The following ADGRL3 variants were observed in gnomAD, a reference collection of about 807,000 sequenced individuals.
ADGRL3 encodes the protein adhesion G protein-coupled receptor L3.
Under a neutral mutation model 153.5 loss-of-function variants are expected in ADGRL3, and 62 were observed. The ratio of observed to expected loss-of-function variants is 0.40; its 90% CI spans 0.33 to 0.50. The LOEUF (loss-of-function observed/expected upper bound fraction) is 0.50. Among genes scored for constraint, ADGRL3 ranks in the 20% least tolerant of loss-of-function variants. ADGRL3 has a pLI of 0.47. For synonymous variants in ADGRL3, 710 were observed against 672.5 expected (o/e 1.06, Z -0.86); for missense variants, 1,641 against 1,859.4 (o/e 0.88, Z 2.16).
intron 8 of ADGRL3, among the ~76,000 whole-genome samples, chr4:61,771,597 T>G (rs530908302): frequency 1.3e-5 from 2 of 152,164 alleles, no homozygotes; most frequent in African/African-American, 4.8e-5. Flanking sequence ...ATTAGTTATT[T>G]TTTTAGAGAT....
intron 13 of ADGRL3, among the ~76,000 whole-genome samples, chr4:61,924,576 A>G (rs542364128): frequency 6.6e-6 from 1 of 152,294 alleles, no homozygotes; most frequent in South Asian, 2.1e-4. Flanking sequence ...ATTCTTCAGC[A>G]TCTCAGTTAA....
At chr4:61,508,169 C>A (rs888905594) in intron 3 of ADGRL3, among the ~76,000 whole-genome samples, 1 of 152,182 alleles carries the variant, frequency 6.6e-6, no homozygotes, top group African/African-American at 2.4e-5. Context: ...TAACAGAAAT[C>A]TCTACTTACT....
At chr4:61,645,775 C>T (rs181347573) in intron 5 of ADGRL3, among the ~76,000 whole-genome samples, 4,274 of 151,926 alleles carry the variant, frequency 0.028, 152 homozygotes, top group East Asian at 0.14. Context: ...TGGAGTTGCT[C>T]TTCTTGAGGA....
chr4:61,333,569 A>G (rs189898305), intron 1 of ADGRL3, among the ~76,000 whole-genome samples: 4 of 152,192 alleles, frequency 2.6e-5, no homozygotes, highest in Admixed American at 2.6e-4. Context: ...CCTTTATAAT[A>G]AAATTTCATT....
intron 2 of ADGRL3, among the ~76,000 whole-genome samples, chr4:61,405,931 T>C (rs185227660): frequency 6.6e-6 from 1 of 152,152 alleles, no homozygotes; most frequent in Non-Finnish European, 1.5e-5. Flanking sequence ...ATGTGACTTA[T>C]AGTTACATTA....
chr4:61,658,611 T>A (rs991108019), intron 5 of ADGRL3, among the ~76,000 whole-genome samples: 2 of 152,164 alleles, frequency 1.3e-5, no homozygotes, highest in African/African-American at 4.8e-5. Flanking sequence ...ATCTCTGTAT[T>A]TGAGCCTTGC....
chr4:61,489,207 TG>T (rs2098230726), intron 2 of ADGRL3, among the ~76,000 whole-genome samples: 1 of 151,986 alleles, frequency 6.6e-6, no homozygotes, highest in Non-Finnish European at 1.5e-5. Context: ...TTAAGTAATC[TG>T]CTTATGTCAT....
chr4:61,292,517 GTGTGTA>G (rs1287129796), intron 1 of ADGRL3, among the ~76,000 whole-genome samples: 7 of 152,148 alleles, frequency 4.6e-5, no homozygotes, highest in Admixed American at 4.6e-4. Context: ...AACATGCCAC[GTGTGTA>G]TGTGTAACTG....
intron 9 of ADGRL3, among the ~76,000 whole-genome samples, chr4:61,885,887 T>C (rs2098535914): frequency 1.3e-5 from 2 of 152,260 alleles, no homozygotes; most frequent in Admixed American, 1.3e-4. Context: ...ATGTAAAACA[T>C]TCAGGACAGT....
chr4:61,392,020 C>G (rs1281412273), intron 2 of ADGRL3, among the ~76,000 whole-genome samples: 3 of 122,780 alleles, frequency 2.4e-5, no homozygotes, highest in Admixed American at 1.9e-4. Flanking sequence ...CCACCACGAC[C>G]GGCTAATTTT....
rs149828039 is a variant in ADGRL3, at chr4:61,896,196, T to G, written c.1887+362T>G. ...AATTATAATTTTTCAAAGTCTACCT[T>G]TGGAATCTTAAGCCATCTGATAAAT... On this transcript the variant is annotated intron_variant, in intron 11 of 26. Coordinates refer to ENST00000683033, the MANE Select transcript of ADGRL3 (RefSeq NM_001387552.1). 6.6e-5 allele frequency among the ~76,000 whole-genome samples: 10 copies of G among 152,310 alleles called. No homozygotes were observed. In the East Asian group the frequency reaches 1.9e-3, roughly 29 times the overall value.
chr4:61,544,907 C>G (rs1253594799), intron 4 of ADGRL3, among the ~76,000 whole-genome samples: 5 of 152,132 alleles, frequency 3.3e-5, no homozygotes, highest in African/African-American at 1.2e-4. Context: ...CTTTCATTAA[C>G]AAGTATTTTT....
At chr4:61,582,341 C>G (rs1050627334) in intron 4 of ADGRL3, among the ~76,000 whole-genome samples, 1 of 151,988 alleles carries the variant, frequency 6.6e-6, no homozygotes, top group Non-Finnish European at 1.5e-5. Context: ...TCTCCCTCCC[C>G]CCGCTCCTGC....
chr4:61,786,197 C>T (rs1249910010), intron 8 of ADGRL3, among the ~76,000 whole-genome samples: 1 of 152,170 alleles, frequency 6.6e-6, no homozygotes, highest in African/African-American at 2.4e-5. Context: ...GGTTTGATGG[C>T]TGTCTTCAGA....
At chr4:61,796,431 C>G (rs1208402567) in intron 8 of ADGRL3, among the ~76,000 whole-genome samples, 2 of 152,034 alleles carry the variant, frequency 1.3e-5, no homozygotes, top group Non-Finnish European at 2.9e-5. Context: ...AGCTGGGTCT[C>G]TCTAGATCAA....
Position 61,998,179 on chromosome 4 carries a change from T to C in ADGRL3, c.3309T>C (p.Asn1103=). Reference sequence around the variant, plus strand: ...CACTACCTTTTGCATTCCAGCTTAATGTAATCTTCCTTGGGATTGCTTTAT... The same window carrying C: ...CACTACCTTTTGCATTCCAGCTTAACGTAATCTTCCTTGGGATTGCTTTAT... ...IGPATLIIML[N]VIFLGIALYK... Residue 1103 remains asparagine (N), a synonymous_variant, in exon 21 of 27, where the codon AAT becomes AAC. Transcript: ENST00000683033. The C allele has an allele frequency of 8.4e-6, 13 of 1,552,316 alleles. No homozygotes were observed. The highest frequency in any genetic ancestry group is 1.1e-5 in the Non-Finnish European group (13 of 1,145,882).
At chr4:61,637,923 C>T (rs376111981) in intron 5 of ADGRL3, among the ~76,000 whole-genome samples, 2 of 152,118 alleles carry the variant, frequency 1.3e-5, no homozygotes, top group South Asian at 4.1e-4. Flanking sequence ...CCAAACATTA[C>T]AATAATTGCA....
chr4:61,791,400 T>C (rs1320925231), intron 8 of ADGRL3, among the ~76,000 whole-genome samples: 1 of 152,212 alleles, frequency 6.6e-6, no homozygotes, highest in Non-Finnish European at 1.5e-5. Flanking sequence ...TTTGACTCCA[T>C]GTCTCACATC....
At chr4:61,398,951 T>G (rs2152093335) in intron 2 of ADGRL3, among the ~76,000 whole-genome samples, 1 of 151,840 alleles carries the variant, frequency 6.6e-6, no homozygotes, top group Non-Finnish European at 1.5e-5. Context: ...CACATATATG[T>G]GCTTTTTCTT....
Sources: allele counts gnomAD v4.1 joint callset (sites outside exome capture counted in the v4.1 genomes callset), GRCh38; gene constraint gnomAD v4.1.1; transcripts MANE v1.5; gene names NCBI Gene and HGNC (gene_info 2026-07-23, HGNC 2026-07-21).